Variants in NLRC5 observed in about 807,000 individuals in gnomAD.
The protein encoded by NLRC5 is protein NLRC5.
In NLRC5, 114 loss-of-function variants were observed where a neutral mutation model predicts 206.9. That is an observed-to-expected ratio of 0.55 (90% CI 0.47 to 0.64). NLRC5 has a LOEUF of 0.64. NLRC5 is among the 30% of genes least tolerant of loss of function. The pLI is 0.00. For missense variants in NLRC5, 2,008 were observed against 2,305.5 expected (o/e 0.87, Z 2.64); for synonymous variants, 952 against 962.8 (o/e 0.99, Z 0.21).
chr16:57,070,593 G>A lies in NLRC5; in HGVS notation c.4642G>A (p.Gly1548Arg), dbSNP rs1189776104. ...GTKALMRALE[G>R]KWMLKRLDLS... ...CAAGGCGCTGATGAGGGCCCTTGAGGGGAAATGGATGCTAAAGAGGCTGGA... is the reference window on the plus strand; with the variant it reads ...CAAGGCGCTGATGAGGGCCCTTGAGAGGAAATGGATGCTAAAGAGGCTGGA... The change falls in exon 38 of 49, where the codon GGG becomes AGG. Residue 1548 changes from glycine to arginine, a missense_variant. Physicochemically the swap from Gly to Arg is moderately radical, Grantham distance 125 (BLOSUM62 -2). Coordinates refer to ENST00000688547, the MANE Select transcript of NLRC5 (RefSeq NM_001384950.1). 1.2e-6 allele frequency: 2 copies of A among 1,614,138 alleles called. No homozygotes were observed. The highest frequency in any genetic ancestry group is 2.2e-5 in the East Asian group (1 of 44,890).
At chr16:57,028,501 C>A (rs983823294) in intron 8 of NLRC5, 116 bp downstream of exon 8, 1 of 784,990 alleles carries the variant, frequency 1.3e-6, no homozygotes, top group Non-Finnish European at 2.1e-6. Flanking sequence ...TTCAGTGAGA[C>A]CCAGAGAGGG....
intron 1 of NLRC5, among the ~76,000 whole-genome samples, chr16:57,009,015 G>A (rs141780155): frequency 2.0e-5 from 3 of 152,282 alleles, no homozygotes; most frequent in Non-Finnish European, 2.9e-5. Flanking sequence ...AAAATAGGCC[G>A]TGCACGGTGG....
At chr16:57,074,196 C>T (rs1260807823) in intron 38 of NLRC5, 3 of 162,384 alleles carry the variant, frequency 1.8e-5, no homozygotes, top group Admixed American at 1.2e-4. Flanking sequence ...CCTGAAGCAG[C>T]CACTTTGTGT....
intron 48 of NLRC5, 64 bp downstream of exon 48, chr16:57,081,674 G>A (rs2069166740): frequency 2.8e-6 from 4 of 1,412,900 alleles, no homozygotes; most frequent in Non-Finnish European, 4.0e-6. Context: ...CAGATCTAAT[G>A]GGACTCCCTG....
chr16:57,050,751 A>C (rs1028722980), intron 23 of NLRC5, among the ~76,000 whole-genome samples: 30 of 152,188 alleles, frequency 2.0e-4, no homozygotes, highest in African/African-American at 7.2e-4. Flanking sequence ...GTTAATGGGC[A>C]ACTAGAGACC....
At chr16:57,059,130 A>G in intron 29 of NLRC5, 69 bp downstream of exon 29, 1 of 1,611,410 alleles carries the variant, frequency 6.2e-7, no homozygotes. Context: ...TGATGATGGG[A>G]GAAGCAAGGC....
chr16:57,067,856 C>A, intron 36 of NLRC5, 28 bp downstream of exon 36: 1 of 1,558,848 alleles, frequency 6.4e-7, no homozygotes, highest in Non-Finnish European at 8.9e-7. Flanking sequence ...TCACTCAGTC[C>A]CCTTTGCAGC....
At position 57,025,684 on chromosome 16, in the gene NLRC5, G is replaced by A. The variant is rs1231117090; in HGVS notation, c.741G>A (p.Glu247=). 2 of 1,614,218 alleles carry A rather than the reference G, an allele frequency of 1.2e-6. No individual in the cohort carries two copies. The highest frequency in any genetic ancestry group is 1.7e-6 in the Non-Finnish European group (2 of 1,180,034). ...LAHRLCQKWA[E]GHLNCFQALF... is the part of the protein sequence containing the mutation. Reference sequence around the variant, plus strand: ...ACCGGCTCTGCCAGAAGTGGGCAGAGGGCCATCTGAACTGTTTCCAGGCCC... The same window carrying A: ...ACCGGCTCTGCCAGAAGTGGGCAGAAGGCCATCTGAACTGTTTCCAGGCCC... The change falls in exon 6 of 49, where the codon GAG becomes GAA. Residue 247 remains glutamate (E), a synonymous_variant. Coordinates refer to ENST00000688547, the MANE Select transcript of NLRC5 (RefSeq NM_001384950.1).
At chr16:57,075,479 CAA>C (rs1345571180) in intron 39 of NLRC5, among the ~76,000 whole-genome samples, 2 of 152,206 alleles carry the variant, frequency 1.3e-5, no homozygotes, top group Non-Finnish European at 2.9e-5. Flanking sequence ...CTCGGCCTCC[CAA>C]AGTGCTGGGA....
chr16:57,012,547 G>A (rs1383252187), intron 1 of NLRC5, among the ~76,000 whole-genome samples: 3 of 152,134 alleles, frequency 2.0e-5, no homozygotes, highest in Non-Finnish European at 2.9e-5. Context: ...GCCTCCTGTC[G>A]GATCAGCGGT....
Position 57,045,472 on chromosome 16 carries a change from G to A in NLRC5, c.3228G>A (p.Leu1076=), listed in dbSNP as rs34493411. The A allele has an allele frequency of 1.7e-3, 2,697 of 1,614,080 alleles. 38 individuals carry two copies. The African/African-American group carries it at 0.032, about 19-fold the overall frequency. The change falls in exon 21 of 49, where the codon CTG becomes CTA. Residue 1076 remains leucine (L), a synonymous_variant. Coordinates refer to ENST00000688547, the MANE Select transcript of NLRC5 (RefSeq NM_001384950.1). ...GCTTTGAAAGCCAACACATCCTCCT[G>A]AGAGGGGACAAGACAAGCAGGTGAG... ...DISFESQHIL[L]RGDKTSRDMW...
chr16:57,077,835 G>T, intron 42 of NLRC5, 33 bp downstream of exon 42: 1 of 1,588,658 alleles, frequency 6.3e-7, no homozygotes, highest in Non-Finnish European at 8.6e-7. Context: ...TCTGCCCTCT[G>T]TGCCCCCCAG....
chr16:57,012,899 G>A (rs2059650956), intron 1 of NLRC5, among the ~76,000 whole-genome samples: 1 of 152,176 alleles, frequency 6.6e-6, no homozygotes, highest in South Asian at 2.1e-4. Flanking sequence ...GCCATTCTAT[G>A]TGGGTGTGAA....
chr16:57,017,951 A>G (rs1273601026), intron 2 of NLRC5, among the ~76,000 whole-genome samples: 2 of 152,240 alleles, frequency 1.3e-5, no homozygotes, highest in Non-Finnish European at 2.9e-5. Context: ...GGAAATCTCA[A>G]TGACTGATAA....
chr16:57,001,625 G>T (rs901877694), intron 1 of NLRC5, among the ~76,000 whole-genome samples: 1 of 151,946 alleles, frequency 6.6e-6, no homozygotes, highest in East Asian at 1.9e-4. Context: ...AATTTTTGTG[G>T]GTACATAGTA....
rs1460657459 is a variant in NLRC5 at position 57,078,087 on chromosome 16, G to GC, written c.5081+67_5081+68insC. On this transcript the variant is annotated intron_variant, in intron 43 of 48. Transcript: ENST00000688547. Reference sequence around the variant, plus strand: ...GGAGGGTCCTCGGGAGCAGTGGGGGGGTCCAGGCCCCCATCAGTTGAGCTG... The same window carrying GC: ...GGAGGGTCCTCGGGAGCAGTGGGGGGCGTCCAGGCCCCCATCAGTTGAGCTG... 9 of 1,345,848 alleles carry GC rather than the reference G, an allele frequency of 6.7e-6. No homozygotes were observed. The African/African-American group carries it at 1.0e-4, about 15-fold the overall frequency. The allele number at this position is 1,345,848 out of a possible 1,614,324, so 83.4% of individuals were successfully genotyped here.
In NLRC5 at chr16:57,025,561, C is replaced by T. The variant is rs752886380; in HGVS notation, c.618C>T (p.Asp206=). The T allele has an allele frequency of 1.8e-5, 29 of 1,613,886 alleles. No homozygotes were observed. The highest frequency in any genetic ancestry group is 1.8e-4 in the East Asian group (8 of 44,860). ...ACGTCAAGGTGGAAGATGGTGCTGACGTGAGCATCTCGGACCTCTTCAACA... is the reference window on the plus strand; with the variant it reads ...ACGTCAAGGTGGAAGATGGTGCTGATGTGAGCATCTCGGACCTCTTCAACA... ...MGDVKVEDGA[D]VSISDLFNTR... The change falls in exon 6 of 49, where the codon GAC becomes GAT. Residue 206 remains aspartate (D), a synonymous_variant. Transcript: ENST00000688547.
At chr16:57,037,068 G>C in intron 14 of NLRC5, 127 bp from the exon 15 acceptor site, 1 of 783,772 alleles carries the variant, frequency 1.3e-6, no homozygotes, top group Non-Finnish European at 2.2e-6. Flanking sequence ...GAGATCCCCT[G>C]GCAAGGGACC....
chr16:57,063,973 C>T (rs914668643), intron 32 of NLRC5, among the ~76,000 whole-genome samples: 5 of 146,182 alleles, frequency 3.4e-5, no homozygotes, highest in African/African-American at 7.6e-5. Flanking sequence ...CTCCTGACCT[C>T]GTGATCCCCC....
Sources: gnomAD v4.1 joint callset for allele counts (sites outside exome capture counted in the v4.1 genomes callset) on GRCh38, gnomAD v4.1.1 for gene constraint, MANE v1.5 for transcripts, NCBI Gene and HGNC (gene_info 2026-07-23, HGNC 2026-07-21) for gene names.